Variants in INTU observed in about 807,000 individuals in gnomAD.
INTU encodes inturned planar cell polarity protein, also known as protein inturned.
INTU carries 68 observed loss-of-function variants against 100.5 expected under a neutral mutation model. That is an observed-to-expected ratio of 0.68 (90% confidence interval 0.56 to 0.83). The LOEUF is 0.83. Ranked by LOEUF, INTU falls within the 40% of genes least tolerant of loss-of-function variation. INTU has a pLI of 0.00. For missense variants in INTU, 1,071 were observed against 1,114.7 expected (o/e 0.96, Z 0.56); for synonymous variants, 357 against 395.7 (o/e 0.90, Z 1.16).
At chr4:127,682,022 A>G (rs1437230346) in intron 6 of INTU, among the ~76,000 whole-genome samples, 1 of 151,496 alleles carries the variant, frequency 6.6e-6, no homozygotes. Flanking sequence ...ATCACTGGCC[A>G]TCAGAGAAAT....
intron 6 of INTU, among the ~76,000 whole-genome samples, chr4:127,680,885 A>G (rs1296144747): frequency 6.6e-6 from 1 of 152,092 alleles, no homozygotes; most frequent in Admixed American, 6.6e-5. Flanking sequence ...CCTTAAGCTG[A>G]TAAGCAACTT....
At chr4:127,662,805 T>C (rs1441243818) in intron 3 of INTU, among the ~76,000 whole-genome samples, 1 of 152,194 alleles carries the variant, frequency 6.6e-6, no homozygotes, top group Non-Finnish European at 1.5e-5. Flanking sequence ...GATAATCTTC[T>C]TAGAGCCATG....
At position 127,705,745 on chromosome 4, in the gene INTU, T is replaced by G; in HGVS notation, c.1721T>G (p.Leu574Trp). 6.2e-7 allele frequency: 1 copy of G among 1,614,114 alleles called. No homozygotes were observed. Among genetic ancestry groups the G allele is most frequent in the Middle Eastern group, 1.6e-4 (1 of 6,062 alleles). Reference sequence around the variant, plus strand: ...TTTCCTCAGCATCACCTCCGACCTTTGGCAGACTCAAGCACTGAAGTCTTT... The same window carrying G: ...TTTCCTCAGCATCACCTCCGACCTTGGGCAGACTCAAGCACTGAAGTCTTT... ...EVFPQHHLRPLADSSTEVFPE... is the reference protein window; with the variant it reads ...EVFPQHHLRPWADSSTEVFPE... The change falls in exon 11 of 16, where the codon TTG becomes TGG. Residue 574 changes from leucine (L) to tryptophan (W), a missense_variant. Leu to Trp is a moderately conservative substitution (Grantham distance 61, BLOSUM62 -2). Coordinates refer to ENST00000335251, the MANE Select transcript of INTU (RefSeq NM_015693.4).
At chr4:127,644,538 T>G (rs1727484549) in intron 2 of INTU, among the ~76,000 whole-genome samples, 1 of 152,214 alleles carries the variant, frequency 6.6e-6, no homozygotes, top group Non-Finnish European at 1.5e-5. Flanking sequence ...AACAGTGGTG[T>G]TATATATAAA....
At chr4:127,693,410 G>A (rs182028675) in intron 8 of INTU, among the ~76,000 whole-genome samples, 307 of 152,198 alleles carry the variant, frequency 2.0e-3, no homozygotes, top group Non-Finnish European at 3.4e-3. Flanking sequence ...ACTGATTTGT[G>A]TACATTAATT....
chr4:127,719,806 T>G lies in INTU; in HGVS notation c.*3370T>G, dbSNP rs1731319665. 2 of 152,334 alleles carry G rather than the reference T, an allele frequency of 1.3e-5. No individual in the cohort carries two copies. Among genetic ancestry groups the G allele is most frequent in the South Asian group, 2.1e-4 (1 of 4,832 alleles). The allele number at this position is 152,334 out of a possible 1,614,324, so 9.4% of individuals were successfully genotyped here. A position where few individuals can be genotyped will look rare whatever the true frequency, so the allele number is the denominator to read the frequency against. Reference sequence around the variant, plus strand: ...AGTATTGTCTGATGGTTGTTTATATTTCCATGGGATCAGTGGTAATATCCC... The same window carrying G: ...AGTATTGTCTGATGGTTGTTTATATGTCCATGGGATCAGTGGTAATATCCC... On this transcript the variant is annotated 3_prime_UTR_variant, in exon 16 of 16. Coordinates refer to ENST00000335251, the MANE Select transcript of INTU (RefSeq NM_015693.4).
chr4:127,671,639 TA>T (rs1335215892), intron 5 of INTU, among the ~76,000 whole-genome samples: 9 of 151,924 alleles, frequency 5.9e-5, no homozygotes, highest in Non-Finnish European at 1.2e-4. Flanking sequence ...AAGAAATCAT[TA>T]TATCAAAAAG....
chr4:127,688,481 T>C (rs1400348948), intron 8 of INTU, among the ~76,000 whole-genome samples: 1 of 147,490 alleles, frequency 6.8e-6, no homozygotes, highest in Non-Finnish European at 1.5e-5. Flanking sequence ...ATAATCTATT[T>C]AGTTACAGCA....
intron 6 of INTU, among the ~76,000 whole-genome samples, chr4:127,678,889 A>G (rs1729369346): frequency 6.6e-6 from 1 of 151,988 alleles, no homozygotes; most frequent in Non-Finnish European, 1.5e-5. Flanking sequence ...TAGGCTCAAA[A>G]TAAAAGGATG....
At position 127,646,551 on chromosome 4, in the gene INTU, T is replaced by G. The variant is rs114608497; in HGVS notation, c.682+2495T>G. 5.8e-3 allele frequency among the ~76,000 whole-genome samples: 884 copies of G among 152,344 alleles called. 10 individuals are homozygous for G. Among genetic ancestry groups the G allele is most frequent in the Middle Eastern group, 0.024 (7 of 294 alleles). On this transcript the variant is annotated intron_variant, in intron 2 of 15. Transcript: ENST00000335251. ...TAAATCCATTAATTCATTAAGGGACTGCAAAATGGTGATATTCCAATTCTG... is the reference window on the plus strand; with the variant it reads ...TAAATCCATTAATTCATTAAGGGACGGCAAAATGGTGATATTCCAATTCTG...
intron 6 of INTU, among the ~76,000 whole-genome samples, chr4:127,682,285 CT>C (rs1365671550): frequency 1.3e-5 from 2 of 151,964 alleles, no homozygotes; most frequent in Non-Finnish European, 2.9e-5. Context: ...AATCATGCTG[CT>C]ATAAAGACAC....
intron 8 of INTU, among the ~76,000 whole-genome samples, chr4:127,691,604 T>G (rs1730128376): frequency 6.6e-6 from 1 of 152,128 alleles, no homozygotes; most frequent in African/African-American, 2.4e-5. Context: ...CATTTTTTTT[T>G]AATTCGGTAG....
intron 1 of INTU, among the ~76,000 whole-genome samples, chr4:127,635,022 T>A (rs1226238440): frequency 6.6e-6 from 1 of 152,212 alleles, no homozygotes; most frequent in Non-Finnish European, 1.5e-5. Flanking sequence ...ACGTGAAGCT[T>A]ACTAAGGAAG....
Position 127,706,550 on chromosome 4 carries a change from C to T in INTU, c.1852C>T (p.Pro618Ser). The T allele has an allele frequency of 6.2e-7, 1 of 1,613,878 alleles. No homozygotes were observed. The highest frequency in any genetic ancestry group is 8.5e-7 in the Non-Finnish European group (1 of 1,179,844). The change falls in exon 12 of 16, where the codon CCT becomes TCT. Residue 618 changes from proline to serine, a missense_variant. Pro to Ser is a moderately conservative substitution (Grantham distance 74). Coordinates refer to ENST00000335251, the MANE Select transcript of INTU (RefSeq NM_015693.4). The stretch of plus-strand genomic sequence containing the variant: ...TTGCGCATCCAAAGCTATTGGGAGT[C>T]CTGGACCAGACTGTGTATATGTGGA... Reference protein sequence around the residue: ...GGCASKAIGSPGPDCVYVDQV... With the variant: ...GGCASKAIGSSGPDCVYVDQV...
At chr4:127,703,228 A>T (rs935256472) in intron 9 of INTU, among the ~76,000 whole-genome samples, 1 of 152,078 alleles carries the variant, frequency 6.6e-6, no homozygotes, top group African/African-American at 2.4e-5. Context: ...TTGTTTATCC[A>T]TTCCCCAATT....
chr4:127,668,299 C>T (rs889547242), intron 4 of INTU, among the ~76,000 whole-genome samples: 7 of 151,788 alleles, frequency 4.6e-5, no homozygotes, highest in African/African-American at 1.7e-4. Context: ...TTTCCCGGGA[C>T]ATGCTCTTCT....
At chr4:127,711,212 T>C (rs1731082338) in intron 14 of INTU, 110 bp downstream of exon 14, 1 of 826,374 alleles carries the variant, frequency 1.2e-6, no homozygotes, top group Non-Finnish European at 1.8e-6. Flanking sequence ...TTAAGTTTTT[T>C]TAAATAGTCA....
intron 15 of INTU, 123 bp downstream of exon 15, chr4:127,714,216 T>C (rs2148739362): frequency 1.7e-6 from 1 of 581,180 alleles, no homozygotes; most frequent in East Asian, 3.0e-5. Context: ...TATTTTAATA[T>C]ATTTCATTTT....
chr4:127,681,183 T>C (rs1386840738), intron 6 of INTU, among the ~76,000 whole-genome samples: 2 of 152,174 alleles, frequency 1.3e-5, no homozygotes, highest in African/African-American at 2.4e-5. Flanking sequence ...CTGCCCAAGG[T>C]AATTTATAGA....
Sources: gnomAD v4.1 joint callset for allele counts (sites outside exome capture counted in the v4.1 genomes callset) on GRCh38, gnomAD v4.1.1 for gene constraint, MANE v1.5 for transcripts, NCBI Gene and HGNC (gene_info 2026-07-23, HGNC 2026-07-21) for gene names.